The following BATF variants were observed in gnomAD, a reference collection of about 807,000 sequenced individuals.
BATF encodes the protein basic leucine zipper ATF-like transcription factor, also known as basic leucine zipper transcriptional factor ATF-like.
A neutral mutation model predicts 13.7 loss-of-function variants in BATF; 5 were observed. The ratio of observed to expected loss-of-function variants is 0.36; its 90% CI spans 0.19 to 0.77. BATF has a LOEUF of 0.77. Among genes scored for constraint, BATF ranks in the 30% least tolerant of loss-of-function variants. BATF has a pLI of 0.51. For missense variants in BATF, 124 were observed against 163.0 expected (o/e 0.76, Z 1.30); for synonymous variants, 72 against 67.5 (o/e 1.07, Z -0.33).
At chr14:75,544,792 ATTTTTTTT>A (rs55834315) in intron 2 of BATF, among the ~76,000 whole-genome samples, 69,174 of 134,556 alleles carry the variant, frequency 0.51, 17,700 homozygotes, top group East Asian at 0.63. Flanking sequence ...TTGAACTGAA[ATTTTTTTT>A]TTTTTTTTTT....
intron 2 of BATF, among the ~76,000 whole-genome samples, chr14:75,541,270 T>C (rs2140041836): frequency 6.6e-6 from 1 of 152,070 alleles, no homozygotes; most frequent in South Asian, 2.1e-4. Context: ...GTGGATGAGG[T>C]TGAGAATCAT....
chr14:75,523,443 C>T (rs989059887), intron 1 of BATF, among the ~76,000 whole-genome samples: 1 of 152,152 alleles, frequency 6.6e-6, no homozygotes, highest in African/African-American at 2.4e-5. Context: ...GCTGGTAGTT[C>T]ATCTTAGCTC....
chr14:75,532,706 C>T (rs1295136891), intron 2 of BATF, among the ~76,000 whole-genome samples: 2 of 151,898 alleles, frequency 1.3e-5, no homozygotes, highest in Non-Finnish European at 2.9e-5. Flanking sequence ...ATGATACATT[C>T]ATACAATAAA....
At chr14:75,523,666 A>G (rs1360570221) in intron 1 of BATF, among the ~76,000 whole-genome samples, 1 of 152,218 alleles carries the variant, frequency 6.6e-6, no homozygotes, top group Non-Finnish European at 1.5e-5. Flanking sequence ...CCGTGGGTTA[A>G]AATTTTCTCA....
chr14:75,528,108 T>C (rs1417690638), intron 2 of BATF, among the ~76,000 whole-genome samples: 1 of 152,216 alleles, frequency 6.6e-6, no homozygotes, highest in Non-Finnish European at 1.5e-5. Flanking sequence ...GCTCAGTGTG[T>C]GGTTTGCCCT....
At chr14:75,529,819 A>C (rs867549216) in intron 2 of BATF, among the ~76,000 whole-genome samples, 7 of 152,142 alleles carry the variant, frequency 4.6e-5, no homozygotes, top group Admixed American at 2.0e-4. Context: ...AATCCCAGCA[A>C]TTTGGGAGGC....
At chr14:75,530,120 A>G (rs1887713120) in intron 2 of BATF, among the ~76,000 whole-genome samples, 1 of 152,098 alleles carries the variant, frequency 6.6e-6, no homozygotes, top group Non-Finnish European at 1.5e-5. Flanking sequence ...GGCAATTTAC[A>G]GAAAAGAGAA....
chr14:75,546,081 C>T (rs1422454483), intron 2 of BATF, among the ~76,000 whole-genome samples: 1 of 152,066 alleles, frequency 6.6e-6, no homozygotes, highest in African/African-American at 2.4e-5. Context: ...AGGCTGGTCT[C>T]AAACTCCCCA....
At chr14:75,527,898 T>A (rs1191288291) in intron 2 of BATF, among the ~76,000 whole-genome samples, 3 of 152,266 alleles carry the variant, frequency 2.0e-5, no homozygotes, top group Non-Finnish European at 2.9e-5. Flanking sequence ...TGCGGACTGC[T>A]GCCAATGCAA....
chr14:75,522,853 C>A, intron 1 of BATF, 108 bp downstream of exon 1: 1 of 1,355,352 alleles, frequency 7.4e-7, no homozygotes, highest in Non-Finnish European at 1.0e-6. Flanking sequence ...GGAAGTGGCT[C>A]GTTGCACGGG....
chr14:75,528,620 C>T (rs2140035512), intron 2 of BATF, among the ~76,000 whole-genome samples: 1 of 152,318 alleles, frequency 6.6e-6, no homozygotes, highest in Admixed American at 6.5e-5. Context: ...CACAAGCACC[C>T]TGCACACTTA....
At chr14:75,532,354 A>G (rs1887747228) in intron 2 of BATF, among the ~76,000 whole-genome samples, 1 of 152,204 alleles carries the variant, frequency 6.6e-6, no homozygotes, top group African/African-American at 2.4e-5. Context: ...GGCGTGATCA[A>G]GAAAGTAAAG....
intron 2 of BATF, among the ~76,000 whole-genome samples, chr14:75,546,185 A>G (rs550632475): frequency 6.6e-6 from 1 of 152,268 alleles, no homozygotes; most frequent in East Asian, 1.9e-4. Flanking sequence ...CTTATAGGTC[A>G]CAACAGACAA....
intron 2 of BATF, among the ~76,000 whole-genome samples, chr14:75,529,714 T>C (rs1327647098): frequency 6.6e-6 from 1 of 151,982 alleles, no homozygotes; most frequent in Non-Finnish European, 1.5e-5. Context: ...AAAAGGTATG[T>C]TTACTTACTA....
At chr14:75,530,171 T>C (rs1887713854) in intron 2 of BATF, among the ~76,000 whole-genome samples, 1 of 152,014 alleles carries the variant, frequency 6.6e-6, no homozygotes, top group Admixed American at 6.6e-5. Flanking sequence ...GTAGACCTTA[T>C]TTAGTTAGGA....
intron 2 of BATF, among the ~76,000 whole-genome samples, chr14:75,529,881 A>G (rs2540113): frequency 0.91 from 137,794 of 151,796 alleles, 62,581 homozygotes; most frequent in Middle Eastern, 0.96. Flanking sequence ...TGGCTAACAC[A>G]GTGAAACCCC....
At chr14:75,532,180 C>A (rs556477853) in intron 2 of BATF, among the ~76,000 whole-genome samples, 2 of 152,282 alleles carry the variant, frequency 1.3e-5, no homozygotes, top group Admixed American at 1.3e-4. Context: ...GACGTCAGAA[C>A]CCATTTTCCT....
chr14:75,538,757 C>T (rs1177914963), intron 2 of BATF, among the ~76,000 whole-genome samples: 1 of 152,128 alleles, frequency 6.6e-6, no homozygotes, highest in Non-Finnish European at 1.5e-5. Context: ...AAAAATTAGC[C>T]GGGCATGGTG....
At chr14:75,528,169 C>T (rs1260072503) in intron 2 of BATF, among the ~76,000 whole-genome samples, 3 of 152,246 alleles carry the variant, frequency 2.0e-5, no homozygotes, top group Non-Finnish European at 4.4e-5. Flanking sequence ...CTCTGGCCCT[C>T]AGACATGGCC....
Sources: gnomAD v4.1 joint callset for allele counts (sites outside exome capture counted in the v4.1 genomes callset) on GRCh38, gnomAD v4.1.1 for gene constraint, MANE v1.5 for transcripts, NCBI Gene and HGNC (gene_info 2026-07-23, HGNC 2026-07-21) for gene names.